Variants in GRIN2C observed in about 807,000 individuals in gnomAD.
The protein encoded by GRIN2C is glutamate ionotropic receptor NMDA type subunit 2C.
In GRIN2C, 64 loss-of-function variants were observed where a neutral mutation model predicts 77.7. The ratio of observed to expected loss-of-function variants is 0.82; its 90% confidence interval spans 0.67 to 1.01. The LOEUF (loss-of-function observed/expected upper bound fraction) is 1.01, where lower values mean the gene tolerates loss of function less well. GRIN2C is among the 50% of genes least tolerant of loss of function. The probability of loss-of-function intolerance (pLI) is 0.00; values close to 1 mark genes in which losing one functional copy is unlikely to be tolerated. For synonymous variants in GRIN2C, 792 were observed against 643.4 expected (o/e 1.23, Z -3.49); for missense variants, 1,549 against 1,486.0 (o/e 1.04, Z -0.70).
upstream of GRIN2C, chr17:74,860,533 G>A (rs775539387): frequency 4.5e-4 from 207 of 455,924 alleles, 1 homozygote; most frequent in Middle Eastern, 1.7e-3. Context: ...CGCCCTGCCC[G>A]CGTAGGCAGG....
At chr17:74,848,680 A>G (rs756748025) in intron 7 of GRIN2C, among the ~76,000 whole-genome samples, 3 of 151,186 alleles carry the variant, frequency 2.0e-5, no homozygotes, top group Non-Finnish European at 4.4e-5. Flanking sequence ...AGCCTGGATG[A>G]CAGAGCAAGA....
chr17:74,857,659 T>C (rs545585921), intron 1 of GRIN2C, among the ~76,000 whole-genome samples: 2 of 152,190 alleles, frequency 1.3e-5, no homozygotes. Context: ...AGAGGTTCCT[T>C]GCCCTCTGGG....
intron 2 of GRIN2C, chr17:74,854,034 G>A (rs690533): frequency 0.73 from 111,630 of 152,470 alleles, 41,111 homozygotes; most frequent in Admixed American, 0.79. Flanking sequence ...TCGCCTTGGG[G>A]CCTTCATCCC....
rs974263704 is a variant in GRIN2C at position 74,851,861 on chromosome 17, G to C, written c.998+152C>G. 1.3e-5 allele frequency: 9 copies of C among 702,278 alleles called. No homozygotes were observed. The Admixed American group carries it at 2.1e-4, about 17-fold the overall frequency. 43.5% of individuals were successfully genotyped at this position (702,278 alleles called of 1,614,324 possible). ...CACCCTGACACCTGCTGTTTGTTCAGATGAGGACACTAAGGCCCAGACAGG... is the reference window on the plus strand; with the variant it reads ...CACCCTGACACCTGCTGTTTGTTCACATGAGGACACTAAGGCCCAGACAGG... On this transcript the variant is annotated intron_variant, in intron 3 of 12. Coordinates refer to ENST00000293190, the MANE Select transcript of GRIN2C (RefSeq NM_000835.6).
At position 74,842,660 on chromosome 17, in the gene GRIN2C, A is replaced by G. The variant is rs1282427515; in HGVS notation, c.3477T>C (p.Phe1159=). ...GGTGAGGACAGACAGCCCCCCAGCA[A>G]AATGGCAGGTGGGCGTGGGCGTGCA... ...VCLHAHAHLP[F]CWGAVCPHLP... is the part of the protein sequence containing the mutation. The change falls in exon 13 of 13, where the codon TTT becomes TTC. Residue 1159 remains phenylalanine, a synonymous_variant. Coordinates refer to ENST00000293190, the MANE Select transcript of GRIN2C (RefSeq NM_000835.6). 1.3e-6 allele frequency: 1 copy of G among 745,814 alleles called. No homozygotes were observed. Among genetic ancestry groups the G allele is most frequent in the Non-Finnish European group, 2.5e-6 (1 of 400,774 alleles). The allele number at this position is 745,814 out of a possible 1,614,324, so 46.2% of individuals were successfully genotyped here. A position where few individuals can be genotyped will look rare whatever the true frequency, so the allele number is the denominator to read the frequency against.
chr17:74,849,732 G>A lies in GRIN2C; in HGVS notation c.1645+48C>T, dbSNP rs371819004. On this transcript the variant is annotated intron_variant, in intron 7 of 12. Coordinates refer to ENST00000293190, the MANE Select transcript of GRIN2C (RefSeq NM_000835.6). The surrounding 1 kb of genome is among the most constrained non-coding windows in gnomAD (Gnocchi z 4.6). The stretch of plus-strand genomic sequence containing the variant: ...CACCCAAGCTGTACACACCCTCCTC[G>A]TGGGCCCCTCTGCCCCCGGAGCCGT... 2.5e-4 allele frequency: 395 copies of A among 1,568,978 alleles called. No individual in the cohort carries two copies. The highest frequency in any genetic ancestry group is 3.3e-4 in the Non-Finnish European group (380 of 1,156,116).
upstream of GRIN2C, chr17:74,860,745 T>C: frequency 5.8e-6 from 2 of 342,634 alleles, no homozygotes; most frequent in Non-Finnish European, 1.2e-5. Context: ...GCCACTACTC[T>C]GGAAGCCCAC....
chr17:74,848,182 TC>T (rs2037523825), intron 7 of GRIN2C, among the ~76,000 whole-genome samples: 1 of 151,652 alleles, frequency 6.6e-6, no homozygotes, highest in Non-Finnish European at 1.5e-5. Flanking sequence ...ATCCTTGGTC[TC>T]CCCCCGCCCC....
Position 74,859,761 on chromosome 17 carries a change from CG to C in GRIN2C, c.-34del, listed in dbSNP as rs1464765797. 6.5e-6 allele frequency: 1 copy of C among 152,744 alleles called. No individual in the cohort carries two copies. The highest frequency in any genetic ancestry group is 2.4e-5 in the African/African-American group (1 of 41,394). 9.5% of individuals were successfully genotyped at this position (152,744 alleles called of 1,614,324 possible). The stretch of plus-strand genomic sequence containing the variant: ...TCTCTTACACTCGGGCTGTGAAGTT[CG>C]GGGTATTTTTAGGCCGGCGATAAAT... On this transcript the variant is annotated 5_prime_UTR_variant, in exon 1 of 13. Transcript: ENST00000293190. The surrounding 1 kb of genome is among the most constrained non-coding windows in gnomAD (Gnocchi z 5.9).
At position 74,850,579 on chromosome 17, in the gene GRIN2C, G is replaced by A. The variant is rs1283042326; in HGVS notation, c.1302C>T (p.Arg434=). Residue 434 remains arginine (R), a synonymous_variant, in exon 5 of 13, where the codon CGC becomes CGT. Coordinates refer to ENST00000293190, the MANE Select transcript of GRIN2C (RefSeq NM_000835.6). The surrounding 1 kb of genome is among the most constrained non-coding windows in gnomAD (Gnocchi z 5.3). ...ACCTGAAGGTGTGGTTGCTCTGCCT[G>A]CGGCAGGGCACGGTGTTGGGGACAC... ...GGCVPNTVPC[R]RQSNHTFSSG... is the part of the protein sequence containing the mutation. 15 of 1,613,466 alleles carry A rather than the reference G, an allele frequency of 9.3e-6. No homozygotes were observed. Among genetic ancestry groups the A allele is most frequent in the Admixed American group, 1.7e-5 (1 of 60,026 alleles).
At position 74,843,232 on chromosome 17, in the gene GRIN2C, C is replaced by G; in HGVS notation, c.2905G>C (p.Ala969Pro). 1.6e-6 allele frequency: 1 copy of G among 626,404 alleles called. No individual in the cohort carries two copies. The highest frequency in any genetic ancestry group is 2.4e-6 in the Non-Finnish European group (1 of 412,442). 38.8% of individuals were successfully genotyped at this position (626,404 alleles called of 1,614,324 possible). Residue 969 changes from alanine to proline, a missense_variant, in exon 13 of 13, where the codon GCG becomes CCG. By Grantham distance (27) the Ala-to-Pro change is conservative. Transcript: ENST00000293190. ...GWGPPDGGRAALVRRAPQPPG... is the reference protein window; with the variant it reads ...GWGPPDGGRAPLVRRAPQPPG... ...GGCTGCGGAGCCCTGCGCACAAGCG[C>G]CGCGCGACCCCCGTCTGGCGGTCCC...
rs2037768255 is a variant in GRIN2C at position 74,854,861 on chromosome 17, G to C, written c.232C>G (p.Leu78Val). 2 of 1,613,268 alleles carry C rather than the reference G, an allele frequency of 1.2e-6. No homozygotes were observed. Among genetic ancestry groups the C allele is most frequent in the African/African-American group, 2.7e-5 (2 of 74,932 alleles). ...GVNTTNPSSL[L>V]TQICGLLGAA... ...CCCAGGAGGCCGCAGATCTGGGTGA[G>C]GAGGCTGCTGGGGTTGGTGGTGTTG... Residue 78 changes from leucine (L) to valine (V), a missense_variant, in exon 2 of 13, where the codon CTC becomes GTC. By Grantham distance (32) the Leu-to-Val change is conservative (BLOSUM62 1). Transcript: ENST00000293190.
Position 74,842,566 on chromosome 17 carries a change from T to TCCTGCC in GRIN2C, c.3565_3570dup (p.Gly1189_Arg1190dup). On this transcript the variant is annotated inframe_insertion, in exon 13 of 13. Coordinates refer to ENST00000293190, the MANE Select transcript of GRIN2C (RefSeq NM_000835.6). ...CTGTAGCCTGTGCCCAGCCCCAGAG[T>TCCTGCC]CCTGCCCCTGTGCCCCAGAGGCCCC... The TCCTGCC allele has an allele frequency of 1.3e-6, 1 of 772,850 alleles. No homozygotes were observed. The highest frequency in any genetic ancestry group is 1.8e-5 in the African/African-American group (1 of 56,028). 47.9% of individuals were successfully genotyped at this position (772,850 alleles called of 1,614,324 possible). A position where few individuals can be genotyped will look rare whatever the true frequency, so the allele number is the denominator to read the frequency against.
Position 74,850,587 on chromosome 17 carries a change from G to A in GRIN2C, c.1294C>T (p.Pro432Ser). 5 of 1,613,598 alleles carry A rather than the reference G, an allele frequency of 3.1e-6. No homozygotes were observed. Among genetic ancestry groups the A allele is most frequent in the East Asian group, 2.2e-5 (1 of 44,884 alleles). The part of the protein sequence containing the change: ...GTGGCVPNTV[P>S]CRRQSNHTFS... ...GTGTGGTTGCTCTGCCTGCGGCAGG[G>A]CACGGTGTTGGGGACACAGCCTCCT... Residue 432 changes from proline (P) to serine (S), a missense_variant, in exon 5 of 13, where the codon CCC becomes TCC. By Grantham distance (74) the Pro-to-Ser change is moderately conservative. Around this residue, in one of 3 missense-constraint regions of GRIN2C, gnomAD observed 717 missense variants for 858.1 expected, o/e 0.84. Coordinates refer to ENST00000293190, the MANE Select transcript of GRIN2C (RefSeq NM_000835.6). The surrounding 1 kb of genome is among the most constrained non-coding windows in gnomAD (Gnocchi z 5.3).
chr17:74,842,827 C>T lies in GRIN2C; in HGVS notation c.3310G>A (p.Ala1104Thr), dbSNP rs867464701. ...SSLPAGCTGP[A>T]CARPDGHSAC... Reference sequence around the variant, plus strand: ...GAGTGGCCGTCGGGGCGGGCGCAGGCGGGGCCGGTGCACCCAGCGGGCAGC... The same window carrying T: ...GAGTGGCCGTCGGGGCGGGCGCAGGTGGGGCCGGTGCACCCAGCGGGCAGC... Residue 1104 changes from alanine (A) to threonine (T), a missense_variant, in exon 13 of 13, where the codon GCC (alanine) becomes ACC (threonine). By Grantham distance (58) the Ala-to-Thr change is moderately conservative. This residue lies in a region of GRIN2C where 450 missense variants were observed against 267.9 expected (regional missense o/e 1.68). Transcript: ENST00000293190. 34 of 595,934 alleles carry T rather than the reference C, an allele frequency of 5.7e-5. No individual in the cohort carries two copies. Among genetic ancestry groups the T allele is most frequent in the Middle Eastern group, 7.0e-4 (2 of 2,862 alleles). The allele number at this position is 595,934 out of a possible 1,614,324, so 36.9% of individuals were successfully genotyped here.
intron 7 of GRIN2C, among the ~76,000 whole-genome samples, chr17:74,848,941 C>T (rs538611599): frequency 1.3e-5 from 2 of 151,714 alleles, no homozygotes; most frequent in African/African-American, 2.4e-5. Flanking sequence ...CACTTGAGCC[C>T]AGGAGTTTCC....
In GRIN2C at chr17:74,850,412, T is replaced by C; in HGVS notation, c.1326-41A>G. On this transcript the variant is annotated intron_variant, in intron 5 of 12. Transcript: ENST00000293190. This position sits in a 1 kb window ranked among gnomAD's most constrained non-coding sequence, Gnocchi z 5.3. Reference sequence around the variant, plus strand: ...CATGAGACCACCGGGAGTCAGAGTATGTCGTGGCCCAGCCCCGCCCCAGCC... The same window carrying C: ...CATGAGACCACCGGGAGTCAGAGTACGTCGTGGCCCAGCCCCGCCCCAGCC... The C allele has an allele frequency of 6.2e-7, 1 of 1,600,194 alleles. No individual in the cohort carries two copies. Among genetic ancestry groups the C allele is most frequent in the African/African-American group, 1.3e-5 (1 of 74,762 alleles).
intron 1 of GRIN2C, among the ~76,000 whole-genome samples, chr17:74,858,794 C>A (rs546799121): frequency 1.3e-5 from 2 of 152,204 alleles, no homozygotes; most frequent in South Asian, 4.1e-4. Context: ...CTGGAACCCA[C>A]AGCTCTGCCA....
rs370099704 is a variant in GRIN2C, at chr17:74,846,819, G to A, written c.2103C>T (p.Thr701=). The A allele has an allele frequency of 2.5e-6, 4 of 1,614,166 alleles. No individual in the cohort carries two copies. Among genetic ancestry groups the A allele is most frequent in the Non-Finnish European group, 3.4e-6 (4 of 1,180,020 alleles). The change falls in exon 10 of 13, where the codon ACC becomes ACT. Residue 701 remains threonine (T), a synonymous_variant. Coordinates refer to ENST00000293190, the MANE Select transcript of GRIN2C (RefSeq NM_000835.6). This position sits in a 1 kb window ranked among gnomAD's most constrained non-coding sequence, Gnocchi z 4.4. ...NIRSNYRDMH[T]HMVKFNQRSV... ...AGCGCTGGTTGAACTTGACCATGTG[G>A]GTGTGCATGTCACGGTAGTTACTGC...
Sources: gnomAD v4.1 joint callset for allele counts (sites outside exome capture counted in the v4.1 genomes callset) on GRCh38, gnomAD v4.1.1 for gene constraint, gnomAD v4.1.1 regional missense constraint, Gnocchi (gnomAD v3.1) non-coding constraint, MANE v1.5 for transcripts, NCBI Gene and HGNC (gene_info 2026-07-23, HGNC 2026-07-21) for gene names.